The following VPS37A variants were observed in gnomAD, a reference collection of about 807,000 sequenced individuals.
The protein encoded by VPS37A is VPS37A subunit of ESCRT-I, also known as vacuolar protein sorting-associated protein 37A.
Under a neutral mutation model 49.8 loss-of-function variants are expected in VPS37A, and 30 were observed. The observed-to-expected ratio is 0.60, with a 90% CI of 0.45 to 0.82. The LOEUF (loss-of-function observed/expected upper bound fraction) is 0.82, where lower values mean the gene tolerates loss of function less well. Among genes scored for constraint, VPS37A ranks in the 40% least tolerant of loss-of-function variants. VPS37A has a pLI of 0.00. For missense variants in VPS37A, 593 were observed against 464.4 expected (o/e 1.28, Z -2.55); for synonymous variants, 195 against 160.6 (o/e 1.21, Z -1.62).
intron 2 of VPS37A, among the ~76,000 whole-genome samples, chr8:17,266,683 G>A (rs1264890398): frequency 6.6e-6 from 1 of 152,184 alleles, no homozygotes; most frequent in Non-Finnish European, 1.5e-5. Context: ...CCAGCATACT[G>A]CCTGTACATA....
the VPS37A span, among the ~76,000 whole-genome samples, chr8:17,317,723 T>G: frequency 6.6e-6 from 1 of 152,208 alleles, no homozygotes; most frequent in Non-Finnish European, 1.5e-5. Flanking sequence ...TGGCTCGAAT[T>G]CCAGAGATTG....
chr8:17,276,153 C>A (rs1186029757), intron 5 of VPS37A, among the ~76,000 whole-genome samples: 2 of 151,916 alleles, frequency 1.3e-5, no homozygotes, highest in African/African-American at 4.8e-5. Flanking sequence ...ACTACCAGTT[C>A]TCTACCTAAC....
At chr8:17,308,910 T>C in the VPS37A span, among the ~76,000 whole-genome samples, 1 of 152,222 alleles carries the variant, frequency 6.6e-6, no homozygotes, top group African/African-American at 2.4e-5. Context: ...AAAGAGAAAC[T>C]GTTCCACGGG....
chr8:17,258,798 G>C (rs1456735351), intron 1 of VPS37A, among the ~76,000 whole-genome samples: 3 of 151,866 alleles, frequency 2.0e-5, no homozygotes, highest in African/African-American at 7.2e-5. Flanking sequence ...CATTATTATT[G>C]GCTTATTGAA....
At chr8:17,268,221 C>A in intron 2 of VPS37A, 37 bp from the exon 3 acceptor site, 2 of 1,426,684 alleles carry the variant, frequency 1.4e-6, no homozygotes, top group Non-Finnish European at 2.0e-6. Flanking sequence ...CCTTTGTTAT[C>A]TTTGTTTTTG....
intron 4 of VPS37A, chr8:17,272,201 C>G (rs1379465322): frequency 2.5e-6 from 1 of 394,698 alleles, no homozygotes; most frequent in Non-Finnish European, 5.0e-6. Flanking sequence ...GCCCATTAGA[C>G]CTTCATAATC....
chr8:17,248,101 T>G, intron 1 of VPS37A: 1 of 365,794 alleles, frequency 2.7e-6, no homozygotes, highest in South Asian at 2.2e-5. Flanking sequence ...TACTGTAAAT[T>G]GGTTTGCTGC....
chr8:17,290,733 G>A (rs557529797), intron 11 of VPS37A, among the ~76,000 whole-genome samples: 20 of 152,250 alleles, frequency 1.3e-4, no homozygotes, highest in Non-Finnish European at 2.5e-4. Flanking sequence ...CTGTTGTTTG[G>A]AATAGTTTTA....
At chr8:17,315,773 A>G in the VPS37A span, among the ~76,000 whole-genome samples, 1 of 152,326 alleles carries the variant, frequency 6.6e-6, no homozygotes, top group East Asian at 1.9e-4. Flanking sequence ...GCACTTTGAG[A>G]GGCCAAGTCA....
intron 6 of VPS37A, among the ~76,000 whole-genome samples, 198 bp downstream of exon 6, chr8:17,276,665 G>A (rs189326369): frequency 5.3e-5 from 8 of 152,116 alleles, no homozygotes. Flanking sequence ...ACATACTCAG[G>A]GATTTTTATA....
At chr8:17,302,162 G>A (rs1259881885), downstream of VPS37A, 1 of 1,614,096 alleles carries the variant, frequency 6.2e-7, no homozygotes, top group Non-Finnish European at 8.5e-7. Flanking sequence ...ACTTCTTCCA[G>A]GGCCTCTAGT....
At chr8:17,254,096 G>C (rs1429534135) in intron 1 of VPS37A, among the ~76,000 whole-genome samples, 1 of 152,052 alleles carries the variant, frequency 6.6e-6, no homozygotes, top group Admixed American at 6.6e-5. Flanking sequence ...TGAATTTGGT[G>C]CACAGTTTGC....
At chr8:17,279,451 C>T (rs1022450965) in intron 6 of VPS37A, among the ~76,000 whole-genome samples, 1 of 152,070 alleles carries the variant, frequency 6.6e-6, no homozygotes, top group African/African-American at 2.4e-5. Context: ...TTGTACTTGT[C>T]TGAATTTACT....
chr8:17,250,881 G>GT (rs1345357001), intron 1 of VPS37A, among the ~76,000 whole-genome samples: 16 of 152,160 alleles, frequency 1.1e-4, no homozygotes, highest in African/African-American at 3.9e-4. Flanking sequence ...TAACCAAAGT[G>GT]TTTAAGTCAG....
intron 1 of VPS37A, chr8:17,248,015 G>A (rs375127280): frequency 5.8e-6 from 3 of 514,964 alleles, no homozygotes; most frequent in Non-Finnish European, 6.9e-6. Flanking sequence ...TGATTGTTCT[G>A]TTGTCTTCCT....
chr8:17,281,348 G>A (rs4922277), intron 9 of VPS37A, among the ~76,000 whole-genome samples: 2 of 151,684 alleles, frequency 1.3e-5, no homozygotes, highest in Non-Finnish European at 3.0e-5. Context: ...AGTTAGGAGT[G>A]TAACCTAAGC....
downstream of VPS37A, chr8:17,305,869 G>A (rs1454992038): frequency 1.2e-6 from 2 of 1,613,648 alleles, no homozygotes; most frequent in Non-Finnish European, 1.7e-6. Context: ...AAGGCACAGG[G>A]AAATTGTTCC....
chr8:17,331,295 G>T, the VPS37A span: 1 of 1,576,816 alleles, frequency 6.3e-7, no homozygotes, highest in Non-Finnish European at 8.6e-7. Flanking sequence ...GCAGTGGTCA[G>T]CAAAACAGAA....
At chr8:17,252,054 A>C (rs976540521) in intron 1 of VPS37A, among the ~76,000 whole-genome samples, 1 of 152,254 alleles carries the variant, frequency 6.6e-6, no homozygotes, top group Non-Finnish European at 1.5e-5. Context: ...GAGATATTGT[A>C]ATGAAGGGAT....
Sources: gnomAD v4.1 joint callset for allele counts (sites outside exome capture counted in the v4.1 genomes callset) on GRCh38, gnomAD v4.1.1 for gene constraint, MANE v1.5 for transcripts, NCBI Gene and HGNC (gene_info 2026-07-23, HGNC 2026-07-21) for gene names.